Variants in PASD1 observed in about 807,000 individuals in gnomAD.
The protein encoded by PASD1 is PAS domain containing repressor 1.
A neutral mutation model predicts 58.8 loss-of-function variants in PASD1; 13 were observed. The observed-to-expected ratio is 0.22, with a 90% CI of 0.14 to 0.35. The LOEUF is 0.35. Ranked by LOEUF, PASD1 falls within the 10% of genes least tolerant of loss-of-function variation. The pLI is 1.00. For synonymous variants in PASD1, 236 were observed against 216.7 expected (o/e 1.09, Z -0.78); for missense variants, 734 against 568.3 (o/e 1.29, Z -2.96).
At chrX:151,613,839 C>A (rs2013600716) in intron 4 of PASD1, among the ~76,000 whole-genome samples, 1 of 111,466 alleles carries the variant, frequency 9.0e-6, no homozygotes, top group African/African-American at 3.3e-5. Context: ...TCTTTGTAAA[C>A]AACACAAATT....
At chrX:151,639,997 A>C (rs1435884567) in intron 8 of PASD1, among the ~76,000 whole-genome samples, 1 of 111,937 alleles carries the variant, frequency 8.9e-6, no homozygotes, top group East Asian at 2.8e-4. Flanking sequence ...TTTTCTTTTA[A>C]CATATGCTGG....
intron 1 of PASD1, among the ~76,000 whole-genome samples, chrX:151,590,130 ACT>A (rs1474833348): frequency 2.7e-5 from 3 of 111,671 alleles, no homozygotes; most frequent in African/African-American, 9.8e-5. Flanking sequence ...GGGAGCTTGG[ACT>A]CCTAGTCCTG....
chrX:151,642,383 A>G (rs2014009166), intron 8 of PASD1, among the ~76,000 whole-genome samples: 1 of 112,435 alleles, frequency 8.9e-6, no homozygotes. Flanking sequence ...GTATCTGTTC[A>G]TATCAATATA....
intron 1 of PASD1, among the ~76,000 whole-genome samples, chrX:151,587,122 G>A (rs917969667): frequency 2.8e-4 from 31 of 111,137 alleles, no homozygotes; most frequent in African/African-American, 9.8e-4. Context: ...ATTCCTTATT[G>A]TCTCAGACTA....
At chrX:151,602,603 A>G (rs2013433315) in intron 2 of PASD1, among the ~76,000 whole-genome samples, 1 of 110,609 alleles carries the variant, frequency 9.0e-6, no homozygotes, top group Non-Finnish European at 1.9e-5. Flanking sequence ...GGCTGAGGCA[A>G]GACAATGGCT....
chrX:151,622,004 G>A (rs1318595520), intron 6 of PASD1, among the ~76,000 whole-genome samples: 1 of 109,193 alleles, frequency 9.2e-6, no homozygotes, highest in Non-Finnish European at 1.9e-5. Context: ...GCTGGGGTCG[G>A]GAATTCTAAC....
At chrX:151,605,305 T>C (rs1199099396) in intron 3 of PASD1, among the ~76,000 whole-genome samples, 1 of 111,927 alleles carries the variant, frequency 8.9e-6, no homozygotes, top group Non-Finnish European at 1.9e-5. Flanking sequence ...AAAAATTATC[T>C]TTATCTCATT....
intron 6 of PASD1, 38 bp from the exon 7 acceptor site, chrX:151,622,899 C>T: frequency 8.5e-7 from 1 of 1,176,218 alleles, no homozygotes; most frequent in East Asian, 3.0e-5. Flanking sequence ...TTAACTGGTC[C>T]ACCTTTCTGT....
chrX:151,612,845 G>A (rs1163958606), intron 4 of PASD1, among the ~76,000 whole-genome samples: 2 of 111,647 alleles, frequency 1.8e-5, no homozygotes, highest in East Asian at 2.8e-4. Context: ...GTCAATTTTG[G>A]CTTCTGTTGC....
chrX:151,639,872 A>T (rs2013977241), intron 8 of PASD1, among the ~76,000 whole-genome samples: 2 of 112,428 alleles, frequency 1.8e-5, no homozygotes, highest in Non-Finnish European at 3.7e-5. Context: ...GGAAACTAAC[A>T]GAGCTGATTT....
intron 1 of PASD1, among the ~76,000 whole-genome samples, chrX:151,590,205 G>A (rs1401720141): frequency 3.6e-5 from 4 of 112,273 alleles, no homozygotes. Flanking sequence ...ACATGGAACT[G>A]CACTAAAATT....
At chrX:151,653,166 A>G (rs1012909231) in intron 9 of PASD1, among the ~76,000 whole-genome samples, 5 of 104,281 alleles carry the variant, frequency 4.8e-5, no homozygotes, top group African/African-American at 1.7e-4. Flanking sequence ...CTGAAAATAT[A>G]TATGTGTGTG....
chrX:151,620,502 G>A (rs904568859), intron 4 of PASD1, among the ~76,000 whole-genome samples: 16 of 110,424 alleles, frequency 1.4e-4, no homozygotes, highest in Admixed American at 2.9e-4. Context: ...CTCGGGGGTC[G>A]GAGGTTTGAA....
At chrX:151,669,153 T>C (rs953848463) in intron 11 of PASD1, among the ~76,000 whole-genome samples, 27 of 86,965 alleles carry the variant, frequency 3.1e-4, no homozygotes, top group African/African-American at 1.1e-3. Context: ...GTTGTACATA[T>C]TATATATACT....
intron 1 of PASD1, among the ~76,000 whole-genome samples, chrX:151,588,816 T>G (rs1402889925): frequency 8.9e-6 from 1 of 112,104 alleles, no homozygotes; most frequent in Non-Finnish European, 1.9e-5. Flanking sequence ...TAGAAATTAC[T>G]GCTAACATTT....
At chrX:151,566,937 C>G (rs751079895) in intron 1 of PASD1, among the ~76,000 whole-genome samples, 2 of 108,892 alleles carry the variant, frequency 1.8e-5, no homozygotes, top group African/African-American at 6.7e-5. Flanking sequence ...CCCAGCTACT[C>G]GGGATGCTGA....
At chrX:151,587,741 C>G (rs1344223466) in intron 1 of PASD1, among the ~76,000 whole-genome samples, 1 of 111,812 alleles carries the variant, frequency 8.9e-6, no homozygotes, top group African/African-American at 3.3e-5. Flanking sequence ...TCCTGGATCT[C>G]TTTTGGAGCA....
chrX:151,624,263 T>C (rs1007582271), intron 7 of PASD1, among the ~76,000 whole-genome samples: 1 of 111,539 alleles, frequency 9.0e-6, no homozygotes, highest in Non-Finnish European at 1.9e-5. Flanking sequence ...GGAGGATTTT[T>C]AGCTTTTTGG....
At chrX:151,626,705 CA>C in intron 8 of PASD1, among the ~76,000 whole-genome samples, 1 of 111,729 alleles carries the variant, frequency 9.0e-6, no homozygotes, top group South Asian at 3.7e-4. Context: ...AATAAGCAAA[CA>C]AGAGAACTTT....
Sources: gnomAD v4.1 joint callset for allele counts (sites outside exome capture counted in the v4.1 genomes callset) on GRCh38, gnomAD v4.1.1 for gene constraint, MANE v1.5 for transcripts, NCBI Gene and HGNC (gene_info 2026-07-23, HGNC 2026-07-21) for gene names.